ODAD2: variants seen among roughly 807,000 people sequenced by gnomAD.
ODAD2 encodes the protein outer dynein arm docking complex subunit 2, also known as outer dynein arm-docking complex subunit 2.
ODAD2 carries 89 observed loss-of-function variants against 106.8 expected under a neutral mutation model. The ratio of observed to expected loss-of-function variants is 0.83; its 90% CI spans 0.70 to 0.99. ODAD2 has a LOEUF of 0.99. Among genes scored for constraint, ODAD2 ranks in the 50% least tolerant of loss-of-function variants. The pLI, the probability that ODAD2 is intolerant of heterozygous loss-of-function variation, is 0.00. For synonymous variants in ODAD2, 404 were observed against 436.2 expected (o/e 0.93, Z 0.92); for missense variants, 1,168 against 1,238.5 (o/e 0.94, Z 0.85).
At chr10:27,962,745 A>G (rs150071917) in intron 9 of ODAD2, among the ~76,000 whole-genome samples, 3,573 of 151,930 alleles carry the variant, frequency 0.024, 127 homozygotes, top group African/African-American at 0.072. Context: ...GCACACGCAC[A>G]CTCATCACAC....
intron 17 of ODAD2, among the ~76,000 whole-genome samples, chr10:27,888,239 C>T (rs1564469774): frequency 6.6e-6 from 1 of 152,090 alleles, no homozygotes; most frequent in Admixed American, 6.6e-5. Flanking sequence ...AATCTCCATA[C>T]AGTTTTCTAT....
At chr10:27,962,183 CAA>C (rs571550544) in intron 9 of ODAD2, among the ~76,000 whole-genome samples, 139 of 152,334 alleles carry the variant, frequency 9.1e-4, no homozygotes, top group African/African-American at 3.1e-3. Flanking sequence ...GAGAAATAAA[CAA>C]GGGTATTCAG....
intron 19 of ODAD2, among the ~76,000 whole-genome samples, chr10:27,855,649 T>C (rs1031602801): frequency 1.2e-4 from 19 of 152,212 alleles, no homozygotes; most frequent in Non-Finnish European, 2.4e-4. Context: ...TTTTTGTCCC[T>C]GTGCTAGGCT....
chr10:27,950,335 A>G (rs1847243878), intron 10 of ODAD2, among the ~76,000 whole-genome samples: 1 of 152,216 alleles, frequency 6.6e-6, no homozygotes, highest in African/African-American at 2.4e-5. Context: ...TAACCACGTG[A>G]GTCAAAGCAG....
intron 16 of ODAD2, among the ~76,000 whole-genome samples, chr10:27,918,679 C>T (rs1844562233): frequency 6.6e-6 from 1 of 151,738 alleles, no homozygotes; most frequent in African/African-American, 2.4e-5. Context: ...TAACAGAGGT[C>T]TTGGCCTGCC....
intron 2 of ODAD2, among the ~76,000 whole-genome samples, chr10:27,991,119 C>A (rs1850210842): frequency 6.6e-6 from 1 of 152,082 alleles, no homozygotes; most frequent in South Asian, 2.1e-4. Context: ...TAGTTTACAG[C>A]AAATTTAAGT....
intron 17 of ODAD2, among the ~76,000 whole-genome samples, chr10:27,870,206 G>C (rs976718281): frequency 1.3e-5 from 2 of 151,946 alleles, no homozygotes; most frequent in Non-Finnish European, 2.9e-5. Context: ...GGCATTTCCC[G>C]ATCTGGCCCA....
chr10:27,819,120 C>G (rs1180033575), intron 19 of ODAD2, among the ~76,000 whole-genome samples: 2 of 152,138 alleles, frequency 1.3e-5, no homozygotes, highest in Non-Finnish European at 2.9e-5. Context: ...GATCTTTCCC[C>G]TTCCTATTTT....
chr10:27,918,530 T>G (rs1196993872), intron 16 of ODAD2, among the ~76,000 whole-genome samples: 1 of 151,774 alleles, frequency 6.6e-6, no homozygotes, highest in African/African-American at 2.4e-5. Context: ...CACAGCAAAC[T>G]AGGAATAGAA....
At chr10:27,975,176 G>A (rs1849114320) in intron 7 of ODAD2, among the ~76,000 whole-genome samples, 1 of 152,076 alleles carries the variant, frequency 6.6e-6, no homozygotes, top group South Asian at 2.1e-4. Flanking sequence ...TATGCTCCAA[G>A]TAAAACATTA....
chr10:27,874,776 C>A (rs1255459615), intron 17 of ODAD2, among the ~76,000 whole-genome samples: 1 of 152,182 alleles, frequency 6.6e-6, no homozygotes, highest in Non-Finnish European at 1.5e-5. Context: ...TTCTCTCTGG[C>A]TGCCCTTAAC....
chr10:27,875,481 G>A (rs138524560), intron 17 of ODAD2, among the ~76,000 whole-genome samples: 4,502 of 152,202 alleles, frequency 0.03, 139 homozygotes, highest in East Asian at 0.13. Context: ...CCATCTTTGT[G>A]GTTTTATCTA....
At chr10:27,914,570 T>C (rs569599588) in intron 16 of ODAD2, among the ~76,000 whole-genome samples, 2 of 152,248 alleles carry the variant, frequency 1.3e-5, no homozygotes, top group African/African-American at 4.8e-5. Flanking sequence ...AGTTTCTCCA[T>C]AAAGGCAGAA....
At chr10:27,940,512 C>T (rs1313543942) in intron 13 of ODAD2, 51 bp downstream of exon 13, 1 of 1,599,898 alleles carries the variant, frequency 6.3e-7, no homozygotes, top group South Asian at 1.1e-5. Flanking sequence ...AACTTTTGGA[C>T]TAAAGAAAGT....
At chr10:27,957,849 T>C (rs1333447855) in intron 10 of ODAD2, among the ~76,000 whole-genome samples, 1 of 152,218 alleles carries the variant, frequency 6.6e-6, no homozygotes, top group Admixed American at 6.5e-5. Flanking sequence ...AATCTTTTTT[T>C]TTCCAACAAT....
chr10:27,993,454 A>T (rs1337311156), intron 2 of ODAD2, among the ~76,000 whole-genome samples: 1 of 151,978 alleles, frequency 6.6e-6, no homozygotes, highest in African/African-American at 2.4e-5. Context: ...GTTCAAGACC[A>T]GCCTGGGCAA....
At chr10:27,886,391 T>G (rs1014365764) in intron 17 of ODAD2, among the ~76,000 whole-genome samples, 1 of 151,916 alleles carries the variant, frequency 6.6e-6, no homozygotes, top group African/African-American at 2.4e-5. Flanking sequence ...ATAATAAAAC[T>G]ATAAACTGAA....
At position 27,854,977 on chromosome 10, in the gene ODAD2, T is replaced by C. The variant is rs143993558; in HGVS notation, c.3021+5648A>G. 2.0e-3 allele frequency among the ~76,000 whole-genome samples: 306 copies of C among 152,296 alleles called. 1 individual carries two copies. Among genetic ancestry groups the C allele is most frequent in the African/African-American group, 7.0e-3 (292 of 41,558 alleles). ...TCTAGAAAATGAAAACTTATCTATA[T>C]TGACAGAAAGCAGACCAGTGATTGG... On this transcript the variant is annotated intron_variant, in intron 19 of 19. Coordinates refer to ENST00000305242, the MANE Select transcript of ODAD2 (RefSeq NM_018076.5).
chr10:27,948,842 T>C (rs975837443), intron 10 of ODAD2, among the ~76,000 whole-genome samples: 1 of 143,192 alleles, frequency 7.0e-6, no homozygotes, highest in African/African-American at 2.6e-5. Flanking sequence ...TTTTTTTCAA[T>C]TGACATTCCT....
Sources: gnomAD v4.1 joint callset for allele counts (sites outside exome capture counted in the v4.1 genomes callset) on GRCh38, gnomAD v4.1.1 for gene constraint, MANE v1.5 for transcripts, NCBI Gene and HGNC (gene_info 2026-07-23, HGNC 2026-07-21) for gene names.